Variants in BIRC6 observed in about 807,000 individuals in gnomAD.
BIRC6 encodes the protein baculoviral IAP repeat containing 6.
In BIRC6, 98 loss-of-function variants were observed where a neutral mutation model predicts 503.3. That is an observed-to-expected ratio of 0.19 (90% CI 0.17 to 0.23). BIRC6 has a LOEUF of 0.23. BIRC6 is among the 10% of genes least tolerant of loss of function. The pLI is 1.00. For synonymous variants in BIRC6, 2,240 were observed against 2,078.7 expected (o/e 1.08, Z -2.11); for missense variants, 5,360 against 5,806.0 (o/e 0.92, Z 2.50).
chr2:32,373,762 C>T (rs1023114427), intron 1 of BIRC6, among the ~76,000 whole-genome samples: 1 of 152,152 alleles, frequency 6.6e-6, no homozygotes, highest in African/African-American at 2.4e-5. Flanking sequence ...GAATTGAAAG[C>T]AGGGAATCAA....
At chr2:32,616,614 T>A (rs1336471756) in intron 73 of BIRC6, among the ~76,000 whole-genome samples, 1 of 151,740 alleles carries the variant, frequency 6.6e-6, no homozygotes, top group Admixed American at 6.6e-5. Flanking sequence ...TTCTAAGGTT[T>A]ATTCTGAGCA....
intron 2 of BIRC6, among the ~76,000 whole-genome samples, chr2:32,378,033 G>A (rs1015971608): frequency 4.6e-5 from 7 of 152,082 alleles, no homozygotes; most frequent in African/African-American, 1.7e-4. Flanking sequence ...AAAAACAATG[G>A]CTTAAACAGG....
rs1363935490 is a variant in BIRC6 at position 32,518,964 on chromosome 2, A to G, written c.11623+18A>G. 2 of 1,608,660 alleles carry G rather than the reference A, an allele frequency of 1.2e-6. No individual in the cohort carries two copies. Among genetic ancestry groups the G allele is most frequent in the East Asian group, 2.2e-5 (1 of 44,756 alleles). On this transcript the variant is annotated intron_variant, in intron 57 of 73. Coordinates refer to ENST00000421745, the MANE Select transcript of BIRC6 (RefSeq NM_016252.4). ...AGTGTCAGGCAAGTCAGATTTAAGT[A>G]TTAGTTTTTGTTTAACTTTATGTTT...
intron 53 of BIRC6, among the ~76,000 whole-genome samples, chr2:32,512,170 C>T (rs543571120): frequency 1.3e-5 from 2 of 152,276 alleles, no homozygotes; most frequent in South Asian, 4.1e-4. Flanking sequence ...TATTCCCCAT[C>T]ATGTGAAATT....
intron 66 of BIRC6, among the ~76,000 whole-genome samples, chr2:32,585,404 A>G (rs1013461864): frequency 6.6e-6 from 1 of 151,386 alleles, no homozygotes; most frequent in Non-Finnish European, 1.5e-5. Flanking sequence ...TTTTGAGACA[A>G]AGTCTCACTC....
At chr2:32,511,276 T>C (rs1354660631) in intron 53 of BIRC6, among the ~76,000 whole-genome samples, 1 of 147,546 alleles carries the variant, frequency 6.8e-6, no homozygotes, top group Admixed American at 6.9e-5. Flanking sequence ...TCTACCTTGA[T>C]GTCTTCTACT....
At chr2:32,365,387 T>G (rs1265642396) in intron 1 of BIRC6, among the ~76,000 whole-genome samples, 2 of 151,388 alleles carry the variant, frequency 1.3e-5, no homozygotes, top group Non-Finnish European at 2.9e-5. Context: ...TGGCGCGATC[T>G]CAGCTCACTG....
At position 32,473,091 on chromosome 2, in the gene BIRC6, C is replaced by G. The variant is rs368249727; in HGVS notation, c.6593-21C>G. Reference sequence around the variant, plus strand: ...ATCACATTTAACAGAATTATTAATACAAGTTTTCCTTCGCCTGTAGGTAAT... The same window carrying G: ...ATCACATTTAACAGAATTATTAATAGAAGTTTTCCTTCGCCTGTAGGTAAT... On this transcript the variant is annotated intron_variant, in intron 32 of 73. Transcript: ENST00000421745. 287 of 1,542,106 alleles carry G rather than the reference C, an allele frequency of 1.9e-4. 1 individual carries two copies. The African/African-American group carries it at 2.6e-3, about 14-fold the overall frequency.
chr2:32,357,032 T>C lies in BIRC6; in HGVS notation c.-130T>C. 5 of 828,594 alleles carry C rather than the reference T, an allele frequency of 6.0e-6. No homozygotes were observed. The highest frequency in any genetic ancestry group is 8.7e-6 in the Non-Finnish European group (5 of 576,352). The allele number at this position is 828,594 out of a possible 1,614,324, so 51.3% of individuals were successfully genotyped here. On this transcript the variant is annotated 5_prime_UTR_variant, in exon 1 of 74. Transcript: ENST00000421745. This position sits in a 1 kb window ranked among gnomAD's most constrained non-coding sequence, Gnocchi z 4.9. The stretch of plus-strand genomic sequence containing the variant: ...GCGCCCCGGGCCCCGCCTCCCTCCC[T>C]GCTTCTCCCCCTCTCCCGTCAGCCT...
chr2:32,458,446 C>T (rs1467179228), intron 23 of BIRC6, among the ~76,000 whole-genome samples: 4 of 152,032 alleles, frequency 2.6e-5, no homozygotes, highest in African/African-American at 9.7e-5. Flanking sequence ...ATCTCATCAT[C>T]ATAACTGATA....
At chr2:32,459,786 T>C (rs890689681) in intron 23 of BIRC6, among the ~76,000 whole-genome samples, 3 of 152,032 alleles carry the variant, frequency 2.0e-5, no homozygotes, top group Non-Finnish European at 2.9e-5. Context: ...TTTACATTTT[T>C]TTTTTTAGAT....
chr2:32,395,678 A>G (rs143018616), intron 6 of BIRC6, 85 bp downstream of exon 6: 4 of 1,265,820 alleles, frequency 3.2e-6, no homozygotes, highest in South Asian at 1.3e-5. Context: ...CTTATGATAT[A>G]ATTTTTTGCC....
chr2:32,473,361 C>A, intron 33 of BIRC6, 122 bp downstream of exon 33: 1 of 759,030 alleles, frequency 1.3e-6, no homozygotes, highest in Non-Finnish European at 2.0e-6. Context: ...TTAGGAAAAT[C>A]ATCTAACACT....
intron 69 of BIRC6, among the ~76,000 whole-genome samples, chr2:32,599,340 A>G (rs2061893626): frequency 6.6e-6 from 1 of 151,122 alleles, no homozygotes; most frequent in African/African-American, 2.4e-5. Context: ...AAAAAAAAAA[A>G]AAAGCTGTTC....
chr2:32,433,323 C>T (rs2044343696), intron 12 of BIRC6, among the ~76,000 whole-genome samples: 1 of 152,162 alleles, frequency 6.6e-6, no homozygotes, highest in African/African-American at 2.4e-5. Context: ...AATGAAGATT[C>T]TGGGACCCTA....
At chr2:32,410,893 G>A (rs1464846243) in intron 9 of BIRC6, among the ~76,000 whole-genome samples, 2 of 152,002 alleles carry the variant, frequency 1.3e-5, no homozygotes, top group African/African-American at 2.4e-5. Context: ...GTAGAGACGG[G>A]GTTTCGCTGT....
At chr2:32,384,123 AC>A (rs1395446504) in intron 3 of BIRC6, among the ~76,000 whole-genome samples, 9 of 152,214 alleles carry the variant, frequency 5.9e-5, no homozygotes, top group Admixed American at 3.9e-4. Flanking sequence ...TGGGAGTAAG[AC>A]CTGTAGAGCT....
intron 28 of BIRC6, 118 bp from the exon 29 acceptor site, chr2:32,468,319 G>C (rs2048774799): frequency 3.0e-6 from 3 of 1,013,686 alleles, no homozygotes; most frequent in Non-Finnish European, 2.8e-6. Context: ...TATCAAGTGG[G>C]TAATTCTTTT....
intron 23 of BIRC6, among the ~76,000 whole-genome samples, chr2:32,459,234 T>C (rs1240165445): frequency 6.6e-6 from 1 of 152,174 alleles, no homozygotes; most frequent in Non-Finnish European, 1.5e-5. Context: ...TGGCAACCAG[T>C]AGATTGGAGT....
Sources: allele counts gnomAD v4.1 joint callset (sites outside exome capture counted in the v4.1 genomes callset), GRCh38; gene constraint gnomAD v4.1.1; non-coding constraint Gnocchi (gnomAD v3.1); transcripts MANE v1.5; gene names NCBI Gene and HGNC (gene_info 2026-07-23, HGNC 2026-07-21).